Variants in CFAP206 observed in about 807,000 individuals in gnomAD.
CFAP206 encodes cilia- and flagella-associated protein 206.
A neutral mutation model predicts 65.4 loss-of-function variants in CFAP206; 53 were observed. The ratio of observed to expected loss-of-function variants is 0.81; its 90% CI spans 0.65 to 1.02. CFAP206 has a LOEUF of 1.02. Ranked by LOEUF, CFAP206 falls within the 50% of genes least tolerant of loss-of-function variation. CFAP206 has a pLI of 0.00. For synonymous variants in CFAP206, 250 were observed against 254.4 expected, an observed-to-expected ratio of 0.98 and a Z score of 0.17; for missense variants, 663 against 753.2, an observed-to-expected ratio of 0.88 and a Z score of 1.40.
At chr6:87,423,785 A>T (rs6912875) in intron 7 of CFAP206, among the ~76,000 whole-genome samples, 40,244 of 151,840 alleles carry the variant, frequency 0.27, 5,418 homozygotes, top group African/African-American at 0.31. Flanking sequence ...ATAATAGTGT[A>T]TGGAGGAATA....
At chr6:87,431,315 G>C (rs982446607) in intron 10 of CFAP206, 142 bp downstream of exon 10, 1 of 823,756 alleles carries the variant, frequency 1.2e-6, no homozygotes, top group Non-Finnish European at 1.9e-6. Context: ...AGATGATCCA[G>C]ACAAAGTCTT....
At chr6:87,445,194 T>C (rs575253166) in intron 11 of CFAP206, 47 of 278,040 alleles carry the variant, frequency 1.7e-4, no homozygotes, top group African/African-American at 9.1e-5. Flanking sequence ...TTTTAAAATT[T>C]ATTTTATTAT....
chr6:87,428,905 A>C, intron 9 of CFAP206, 81 bp downstream of exon 9: 2 of 1,315,716 alleles, frequency 1.5e-6, no homozygotes, highest in African/African-American at 2.9e-5. Flanking sequence ...TAAAAATTTC[A>C]TATCTTTCTG....
At chr6:87,434,657 C>T (rs561104649) in intron 10 of CFAP206, among the ~76,000 whole-genome samples, 120 of 152,130 alleles carry the variant, frequency 7.9e-4, no homozygotes, top group South Asian at 2.1e-4. Flanking sequence ...ACCACCACGC[C>T]CATCTAATTT....
At chr6:87,440,898 GGTTT>G (rs754584744) in intron 11 of CFAP206, among the ~76,000 whole-genome samples, 33 of 152,236 alleles carry the variant, frequency 2.2e-4, no homozygotes, top group Admixed American at 5.2e-4. Flanking sequence ...TATAGTAAAA[GGTTT>G]GTTTGTTTTT....
intron 11 of CFAP206, chr6:87,444,780 C>T: frequency 1.9e-6 from 1 of 517,614 alleles, no homozygotes; most frequent in Admixed American, 2.1e-5. Context: ...TTTTCTAGGC[C>T]CTAGGTTGAA....
chr6:87,418,166 T>C, intron 6 of CFAP206, 42 bp from the exon 7 acceptor site: 2 of 1,569,286 alleles, frequency 1.3e-6, no homozygotes, highest in Non-Finnish European at 1.8e-6. Flanking sequence ...TTAATTGTTT[T>C]TAGTCTCCTT....
Position 87,445,082 on chromosome 6 carries a change from C to T in CFAP206, c.1494+10029C>T, listed in dbSNP as rs9444500. 345 of 498,124 alleles carry T rather than the reference C, an allele frequency of 6.9e-4. 4 individuals are homozygous for T. The highest frequency in any genetic ancestry group is 4.9e-3 in the African/African-American group (251 of 51,314). The allele number at this position is 498,124 out of a possible 1,614,324, so 30.9% of individuals were successfully genotyped here. A position where few individuals can be genotyped will look rare whatever the true frequency, so the allele number is the denominator to read the frequency against. Reference sequence around the variant, plus strand: ...CTGTGAATAAGTCAATGGCTTTCTACGGTTCACCATCATTTAGGGCTTCAG... The same window carrying T: ...CTGTGAATAAGTCAATGGCTTTCTATGGTTCACCATCATTTAGGGCTTCAG... On this transcript the variant is annotated intron_variant, in intron 11 of 12. Transcript: ENST00000369562.
At position 87,453,766 on chromosome 6, in the gene CFAP206, G is replaced by A. The variant is rs894523237; in HGVS notation, c.1495-7256G>A. ...ACACAAAAATATAAAGTAAGAAATTGAAACATACCACCAAAGAAAATCACT... is the reference window on the plus strand; with the variant it reads ...ACACAAAAATATAAAGTAAGAAATTAAAACATACCACCAAAGAAAATCACT... On this transcript the variant is annotated intron_variant, in intron 11 of 12. Transcript: ENST00000369562. 3.3e-5 allele frequency among the ~76,000 whole-genome samples: 5 copies of A among 151,948 alleles called. No homozygotes were observed. In the East Asian group the frequency reaches 9.6e-4, roughly 29 times the overall value.
chr6:87,434,912 T>C lies in CFAP206; in HGVS notation c.1353T>C (p.Asn451=), dbSNP rs1768229597. 1.3e-6 allele frequency: 2 copies of C among 1,522,404 alleles called. No individual in the cohort carries two copies. Among genetic ancestry groups the C allele is most frequent in the South Asian group, 1.2e-5 (1 of 84,232 alleles). 94.3% of individuals were successfully genotyped at this position (1,522,404 alleles called of 1,614,324 possible). The change falls in exon 11 of 13, where the codon AAT becomes AAC. Residue 451 remains asparagine (N), a synonymous_variant. Coordinates refer to ENST00000369562, the MANE Select transcript of CFAP206 (RefSeq NM_001031743.3). ...LKYKEKYYTF[N]SKDAAYSFAE... ...ATAAAGAAAAATATTACACATTCAA[T>C]AGTAAAGATGCTGCATATTCATTTG...
At chr6:87,413,757 T>C (rs1767776288) in intron 3 of CFAP206, 53 bp from the exon 4 acceptor site, 1 of 1,064,276 alleles carries the variant, frequency 9.4e-7, no homozygotes, top group Admixed American at 2.5e-5. Flanking sequence ...TAGGAAATAC[T>C]TGACTGTCTC....
chr6:87,418,506 G>A, intron 7 of CFAP206, 90 bp downstream of exon 7: 1 of 1,089,332 alleles, frequency 9.2e-7, no homozygotes, highest in Admixed American at 1.9e-5. Flanking sequence ...CACTAATTAA[G>A]GAGAAAACCT....
At chr6:87,421,910 T>C (rs1190046640) in intron 7 of CFAP206, among the ~76,000 whole-genome samples, 1 of 152,192 alleles carries the variant, frequency 6.6e-6, no homozygotes, top group Non-Finnish European at 1.5e-5. Flanking sequence ...TTATTTCTGT[T>C]GTAATAAGAA....
chr6:87,434,749 T>C (rs1318555817), intron 10 of CFAP206, 111 bp from the exon 11 acceptor site: 3 of 587,706 alleles, frequency 5.1e-6, no homozygotes, highest in African/African-American at 1.9e-5. Context: ...CTGCCTGCTT[T>C]GGCCTCCCAA....
rs115730829 is a variant in CFAP206, at chr6:87,447,590, T to C, written c.1494+12537T>C. Among the ~76,000 whole-genome samples the C allele has an allele frequency of 2.5e-3, 386 of 152,294 alleles. 1 individual carries two copies. The highest frequency in any genetic ancestry group is 8.6e-3 in the African/African-American group (358 of 41,554). On this transcript the variant is annotated intron_variant, in intron 11 of 12. Transcript: ENST00000369562. ...GGATTCAGTTTGCATCAGGATTGCATTGAGGATTTTTGCATCAATGTTCAT... is the reference window on the plus strand; with the variant it reads ...GGATTCAGTTTGCATCAGGATTGCACTGAGGATTTTTGCATCAATGTTCAT...
chr6:87,445,961 A>G (rs1318033161), intron 11 of CFAP206, among the ~76,000 whole-genome samples: 2 of 152,026 alleles, frequency 1.3e-5, no homozygotes, highest in Non-Finnish European at 2.9e-5. Context: ...AATGATATTG[A>G]GCTTTTTTTC....
At chr6:87,426,238 A>G (rs1647745069) in intron 7 of CFAP206, 1 of 164,628 alleles carries the variant, frequency 6.1e-6, no homozygotes, top group African/African-American at 2.4e-5. Flanking sequence ...ATTCTTGAGG[A>G]TCCATTTCTC....
rs1767704272 is a variant in CFAP206 at position 87,409,953 on chromosome 6, A to T, written c.108+6A>T. On this transcript the variant is annotated splice_donor_region_variant and intron_variant, in intron 2 of 12. Transcript: ENST00000369562. ...AAACTCTGATTGCTTTTATGGTAAG[A>T]AGAAATATTTTTGTGATTACTGTTT... 1 of 1,583,450 alleles carries T rather than the reference A, an allele frequency of 6.3e-7. No homozygotes were observed. Among genetic ancestry groups the T allele is most frequent in the Non-Finnish European group, 8.6e-7 (1 of 1,156,616 alleles).
At chr6:87,413,414 A>G (rs1767771408) in intron 3 of CFAP206, among the ~76,000 whole-genome samples, 1 of 152,176 alleles carries the variant, frequency 6.6e-6, no homozygotes, top group African/African-American at 2.4e-5. Flanking sequence ...TGGGAGCTCA[A>G]TAATATGTAC....
Sources: gnomAD v4.1 joint callset for allele counts (sites outside exome capture counted in the v4.1 genomes callset) on GRCh38, gnomAD v4.1.1 for gene constraint, MANE v1.5 for transcripts, NCBI Gene and HGNC (gene_info 2026-07-23, HGNC 2026-07-21) for gene names.